The following HHLA2 variants were observed in gnomAD, a reference collection of about 807,000 sequenced individuals.
HHLA2 encodes HHLA2 member of B7 family, also known as HERV-H LTR-associating protein 2.
Under a neutral mutation model 45.9 loss-of-function variants are expected in HHLA2, and 48 were observed. That is an observed-to-expected ratio of 1.05 (90% CI 0.83 to 1.33). The LOEUF (loss-of-function observed/expected upper bound fraction) is 1.33. Among genes scored for constraint, HHLA2 ranks in the 40% most tolerant of loss-of-function variants. The probability of loss-of-function intolerance (pLI) is 0.00; values close to 1 mark genes in which losing one functional copy is unlikely to be tolerated. For missense variants in HHLA2, 462 were observed against 494.3 expected, an observed-to-expected ratio of 0.93 and a Z score of 0.62; for synonymous variants, 161 against 173.9, an observed-to-expected ratio of 0.93 and a Z score of 0.59.
chr3:108,376,144 T>C (rs1463164541), intron 9 of HHLA2, among the ~76,000 whole-genome samples: 1 of 152,216 alleles, frequency 6.6e-6, no homozygotes. Flanking sequence ...AGAAATGACA[T>C]ATCCCTTTTT....
intron 3 of HHLA2, among the ~76,000 whole-genome samples, chr3:108,342,772 G>A (rs1010611168): frequency 6.6e-6 from 1 of 152,092 alleles, no homozygotes; most frequent in African/African-American, 2.4e-5. Context: ...CTGCATCTTT[G>A]TTCTATTGTC....
chr3:108,329,830 C>T (rs1383394120), intron 3 of HHLA2, among the ~76,000 whole-genome samples: 4 of 152,192 alleles, frequency 2.6e-5, no homozygotes, highest in Admixed American at 1.3e-4. Flanking sequence ...TATGAACAAT[C>T]TACTACTGCA....
chr3:108,351,976 C>T lies in HHLA2; in HGVS notation c.64+99C>T, dbSNP rs747402309. ...GCTATTTCCTCCATAGCCACAGCAT[C>T]GTGAACTTTCCTAAATCATCAGTTA... On this transcript the variant is annotated intron_variant, in intron 4 of 10. Coordinates refer to ENST00000619531, the Ensembl canonical transcript of HHLA2. The T allele has an allele frequency of 2.5e-5, 18 of 734,584 alleles. No homozygotes were observed. The Admixed American group carries it at 3.0e-4, about 12-fold the overall frequency. 45.5% of individuals were successfully genotyped at this position (734,584 alleles called of 1,614,324 possible).
At chr3:108,339,512 T>C (rs1444553596) in intron 3 of HHLA2, among the ~76,000 whole-genome samples, 2 of 152,176 alleles carry the variant, frequency 1.3e-5, no homozygotes, top group Admixed American at 1.3e-4. Flanking sequence ...CTTCATGTGA[T>C]TGTGCCTAGA....
intron 2 of HHLA2, among the ~76,000 whole-genome samples, chr3:108,313,078 G>A (rs2081047173): frequency 6.6e-6 from 1 of 152,180 alleles, no homozygotes; most frequent in Admixed American, 6.5e-5. Flanking sequence ...GGATGATACT[G>A]TACTTCTGAC....
Position 108,317,576 on chromosome 3 carries a change from CT to C in HHLA2, c.-105+6851del, listed in dbSNP as rs55986913. On this transcript the variant is annotated intron_variant, in intron 2 of 10. Coordinates refer to ENST00000619531, the Ensembl canonical transcript of HHLA2. ...GCCTAGGATAGTAGGGAGATTACTT[CT>C]TTTTTTTTTTTTTTTGAGATGGAGT... Among the ~76,000 whole-genome samples, 581 of 122,488 alleles carry C rather than the reference CT, an allele frequency of 4.7e-3. 9 individuals are homozygous for C. The East Asian group carries it at 0.052, about 11-fold the overall frequency. The allele number at this position is 122,488 out of a possible 152,430, so 80.4% of individuals were successfully genotyped here.
At chr3:108,337,112 A>G (rs1316810196) in intron 3 of HHLA2, among the ~76,000 whole-genome samples, 2 of 152,132 alleles carry the variant, frequency 1.3e-5, no homozygotes, top group East Asian at 3.8e-4. Context: ...TGAACTGTTT[A>G]TTACTGGTTC....
chr3:108,349,199 A>C (rs1307002413), intron 3 of HHLA2, among the ~76,000 whole-genome samples: 4 of 75,940 alleles, frequency 5.3e-5, no homozygotes, highest in Non-Finnish European at 1.2e-4. Flanking sequence ...TGAATCCAAG[A>C]GCTGTTTTTT....
chr3:108,301,863 G>T (rs536728780), intron 1 of HHLA2, among the ~76,000 whole-genome samples: 5 of 152,008 alleles, frequency 3.3e-5, no homozygotes, highest in African/African-American at 1.2e-4. Context: ...TTCTAAATTG[G>T]TTTCATCCGA....
rs895390294 is a variant in HHLA2 at position 108,303,507 on chromosome 3, G to T, written c.-192+6908G>T. Among the ~76,000 whole-genome samples, 8 of 152,048 alleles carry T rather than the reference G, an allele frequency of 5.3e-5. No homozygotes were observed. The East Asian group carries it at 1.5e-3, about 29-fold the overall frequency. On this transcript the variant is annotated intron_variant, in intron 1 of 10. Transcript: ENST00000619531. ...TCTTCTCATCCTATCATTTTGTTTA[G>T]CTTGTTTTTGAGTACTTGTTTTGTT...
intron 7 of HHLA2, among the ~76,000 whole-genome samples, chr3:108,361,524 G>A (rs572110884): frequency 2.6e-5 from 4 of 152,194 alleles, no homozygotes; most frequent in East Asian, 3.9e-4. Flanking sequence ...AAAAGAAGCC[G>A]TGAAGTGCTT....
chr3:108,336,802 TA>T lies in HHLA2; in HGVS notation c.-27+8466del, dbSNP rs10696366. ...AGAACCAAGGTTCAGGTTATTCCATTAAAAAAAAAAATGAGGGGCCGGCCAA... is the reference window on the plus strand; with the variant it reads ...AGAACCAAGGTTCAGGTTATTCCATTAAAAAAAAAATGAGGGGCCGGCCAA... On this transcript the variant is annotated intron_variant, in intron 3 of 10. Coordinates refer to ENST00000619531, the Ensembl canonical transcript of HHLA2. 1.3e-3 allele frequency among the ~76,000 whole-genome samples: 186 copies of T among 146,354 alleles called. No individual in the cohort carries two copies. The East Asian group carries it at 0.022, about 17-fold the overall frequency.
intron 7 of HHLA2, among the ~76,000 whole-genome samples, chr3:108,360,836 T>G (rs576212178): frequency 6.6e-6 from 1 of 152,356 alleles, no homozygotes; most frequent in African/African-American, 2.4e-5. Context: ...AGCGGACTCC[T>G]GCGTGGAATT....
intron 3 of HHLA2, among the ~76,000 whole-genome samples, chr3:108,336,386 G>T (rs1310698366): frequency 6.6e-6 from 1 of 152,102 alleles, no homozygotes; most frequent in Admixed American, 6.6e-5. Flanking sequence ...AGTGAGGAGG[G>T]ACTGATGTGT....
exon 4 of HHLA2, chr3:108,351,819 G>A: frequency 1.2e-6 from 2 of 1,612,732 alleles, no homozygotes; most frequent in East Asian, 4.5e-5. Context: ...AAGACATGAA[G>A]GCACAGACAG....
chr3:108,351,246 A>G (rs1441498231), intron 3 of HHLA2, among the ~76,000 whole-genome samples: 1 of 152,232 alleles, frequency 6.6e-6, no homozygotes, highest in Non-Finnish European at 1.5e-5. Flanking sequence ...ATGTAAAAAT[A>G]TATTTTCAGG....
At chr3:108,304,886 TTGA>T (rs2080905325) in intron 1 of HHLA2, among the ~76,000 whole-genome samples, 1 of 152,200 alleles carries the variant, frequency 6.6e-6, no homozygotes, top group Non-Finnish European at 1.5e-5. Flanking sequence ...TAGTAAACTA[TTGA>T]TGATTACCAC....
chr3:108,313,710 GGT>G (rs1325704549), intron 2 of HHLA2, among the ~76,000 whole-genome samples: 6 of 152,298 alleles, frequency 3.9e-5, no homozygotes, highest in Admixed American at 3.9e-4. Flanking sequence ...CTGCACAACA[GGT>G]GTCCTGTATG....
At chr3:108,347,814 G>A (rs964074714) in intron 3 of HHLA2, among the ~76,000 whole-genome samples, 2 of 152,066 alleles carry the variant, frequency 1.3e-5, no homozygotes, top group Admixed American at 1.3e-4. Flanking sequence ...ATTAGATATG[G>A]GGCATAAGAG....
Sources: allele counts gnomAD v4.1 joint callset (sites outside exome capture counted in the v4.1 genomes callset), GRCh38; gene constraint gnomAD v4.1.1; transcripts MANE v1.5; gene names NCBI Gene and HGNC (gene_info 2026-07-23, HGNC 2026-07-21).